The following RALYL variants were observed in gnomAD, a reference collection of about 807,000 sequenced individuals.
The protein encoded by RALYL is RNA-binding Raly-like protein.
Under a neutral mutation model 35.1 loss-of-function variants are expected in RALYL, and 29 were observed. That is an observed-to-expected ratio of 0.83 (90% CI 0.61 to 1.13). RALYL has a LOEUF of 1.13. Ranked by LOEUF, RALYL falls within the 50% of genes most tolerant of loss-of-function variation. The pLI, the probability that RALYL is intolerant of heterozygous loss-of-function variation, is 0.00. For missense variants in RALYL, 359 were observed against 360.4 expected (o/e 1.00, Z 0.03); for synonymous variants, 120 against 127.6 (o/e 0.94, Z 0.40).
At chr8:84,643,591 T>C (rs1194433819) in intron 2 of RALYL, among the ~76,000 whole-genome samples, 1 of 152,028 alleles carries the variant, frequency 6.6e-6, no homozygotes, top group Non-Finnish European at 1.5e-5. Flanking sequence ...GAAATTAGAC[T>C]GGCAGGCTGG....
intron 1 of RALYL, among the ~76,000 whole-genome samples, chr8:84,311,929 T>C (rs774595264): frequency 6.6e-6 from 1 of 152,112 alleles, no homozygotes; most frequent in Admixed American, 6.5e-5. Flanking sequence ...ATAAACAGTG[T>C]TGGAACAGTC....
At chr8:84,391,405 A>G (rs1860671118) in intron 1 of RALYL, among the ~76,000 whole-genome samples, 1 of 152,026 alleles carries the variant, frequency 6.6e-6, no homozygotes, top group Non-Finnish European at 1.5e-5. Context: ...TTTACATCTA[A>G]AGAAATGTGA....
intron 2 of RALYL, among the ~76,000 whole-genome samples, chr8:84,672,152 A>G (rs1480302610): frequency 6.6e-6 from 1 of 152,226 alleles, no homozygotes; most frequent in Non-Finnish European, 1.5e-5. Flanking sequence ...AAAGTTTCAC[A>G]GATCTCTAGG....
chr8:84,680,023 C>A (rs1334485867), intron 2 of RALYL, among the ~76,000 whole-genome samples: 1 of 151,882 alleles, frequency 6.6e-6, no homozygotes, highest in East Asian at 1.9e-4. Context: ...CACGACAGGC[C>A]CCGGTGTGTG....
Position 84,576,131 on chromosome 8 carries a change from AT to A in RALYL, c.256+46562del, listed in dbSNP as rs570485822. On this transcript the variant is annotated intron_variant, in intron 2 of 8. Coordinates refer to ENST00000521268, the MANE Select transcript of RALYL (RefSeq NM_173848.7). ...ACCACAAAATAAAGAATAATCAGTG[AT>A]TTTTTTTCTTCAAGCGTTTACTTGC... 8.0e-4 allele frequency among the ~76,000 whole-genome samples: 121 copies of A among 152,142 alleles called. 1 individual carries two copies. Among genetic ancestry groups the A allele is most frequent in the African/African-American group, 2.6e-3 (106 of 41,522 alleles).
At chr8:84,669,260 A>G (rs1588894121) in intron 2 of RALYL, among the ~76,000 whole-genome samples, 1 of 152,130 alleles carries the variant, frequency 6.6e-6, no homozygotes. Flanking sequence ...CTTTTCACTA[A>G]ATGTTGACAC....
intron 1 of RALYL, among the ~76,000 whole-genome samples, chr8:84,518,615 G>C (rs555343542): frequency 1.3e-5 from 2 of 152,182 alleles, no homozygotes; most frequent in East Asian, 3.9e-4. Flanking sequence ...CATTCAAGTT[G>C]GTAGGAAGAA....
Position 84,481,239 on chromosome 8 carries a change from AT to A in RALYL, c.-23-48052del, listed in dbSNP as rs527502212. 5.9e-5 allele frequency among the ~76,000 whole-genome samples: 9 copies of A among 152,026 alleles called. No homozygotes were observed. In the East Asian group the frequency reaches 7.7e-4, roughly 13 times the overall value. On this transcript the variant is annotated intron_variant, in intron 1 of 8. Coordinates refer to ENST00000521268, the MANE Select transcript of RALYL (RefSeq NM_173848.7). ...TTTCACTAGATTACATAGAAATACA[AT>A]TTTTTTTGTATATTGACTTTGCATC... is the stretch of plus-strand genomic sequence containing the variant.
chr8:84,567,619 T>G (rs924331479), intron 2 of RALYL, among the ~76,000 whole-genome samples: 1 of 151,878 alleles, frequency 6.6e-6, no homozygotes, highest in Non-Finnish European at 1.5e-5. Context: ...AGCACTTAGG[T>G]TGGTTCCATG....
intron 1 of RALYL, among the ~76,000 whole-genome samples, chr8:84,237,037 C>T (rs2131514470): frequency 6.6e-6 from 1 of 152,210 alleles, no homozygotes; most frequent in African/African-American, 2.4e-5. Context: ...AAATATCCTA[C>T]AGAAAAATCA....
intron 2 of RALYL, among the ~76,000 whole-genome samples, chr8:84,742,339 T>C (rs1382276520): frequency 6.6e-6 from 1 of 152,036 alleles, no homozygotes; most frequent in Non-Finnish European, 1.5e-5. Context: ...AAATTTGTTT[T>C]TACCTATAAA....
chr8:84,574,676 C>T (rs1808886255), intron 2 of RALYL, among the ~76,000 whole-genome samples: 3 of 152,172 alleles, frequency 2.0e-5, no homozygotes, highest in Admixed American at 1.3e-4. Context: ...GTGCTGCCTA[C>T]TTTTCAATTT....
intron 1 of RALYL, among the ~76,000 whole-genome samples, chr8:84,321,756 C>A (rs866485389): frequency 1.3e-5 from 2 of 152,076 alleles, no homozygotes; most frequent in Non-Finnish European, 2.9e-5. Flanking sequence ...CCACACCTTA[C>A]CACACATCAA....
At chr8:84,521,041 A>T (rs1268927205) in intron 1 of RALYL, among the ~76,000 whole-genome samples, 1 of 152,190 alleles carries the variant, frequency 6.6e-6, no homozygotes, top group Non-Finnish European at 1.5e-5. Context: ...ACTGCTGTGG[A>T]TTGAAATATG....
At chr8:84,397,706 T>C (rs1033396638) in intron 1 of RALYL, among the ~76,000 whole-genome samples, 1 of 152,182 alleles carries the variant, frequency 6.6e-6, no homozygotes, top group Non-Finnish European at 1.5e-5. Context: ...AAAATTTAGG[T>C]GTTTCTTCAA....
intron 2 of RALYL, among the ~76,000 whole-genome samples, chr8:84,561,853 C>A (rs1252219): frequency 6.6e-6 from 1 of 151,698 alleles, no homozygotes; most frequent in African/African-American, 2.4e-5. Flanking sequence ...TAAAAACTTA[C>A]GAATTATTTA....
intron 2 of RALYL, among the ~76,000 whole-genome samples, chr8:84,660,441 G>T (rs1327111753): frequency 6.6e-6 from 1 of 151,566 alleles, no homozygotes; most frequent in African/African-American, 2.4e-5. Flanking sequence ...CTCATTAGAG[G>T]TATTTATTTT....
intron 2 of RALYL, among the ~76,000 whole-genome samples, chr8:84,742,554 C>A (rs1457564445): frequency 6.6e-6 from 1 of 151,952 alleles, no homozygotes; most frequent in Non-Finnish European, 1.5e-5. Context: ...AAGTTTATTC[C>A]ATTCTCTGCC....
At chr8:84,282,400 A>G (rs926534937) in intron 1 of RALYL, among the ~76,000 whole-genome samples, 9 of 152,006 alleles carry the variant, frequency 5.9e-5, no homozygotes, top group African/African-American at 1.7e-4. Flanking sequence ...GGATATTTGG[A>G]TGAATTTTTG....
Sources: allele counts gnomAD v4.1 joint callset (sites outside exome capture counted in the v4.1 genomes callset), GRCh38; gene constraint gnomAD v4.1.1; transcripts MANE v1.5; gene names NCBI Gene and HGNC (gene_info 2026-07-23, HGNC 2026-07-21).